The following SH3BP5 variants were observed in gnomAD, a reference collection of about 807,000 sequenced individuals.
SH3BP5 encodes the protein SH3 domain-binding protein 5.
Under a neutral mutation model 43.3 loss-of-function variants are expected in SH3BP5, and 22 were observed. The ratio of observed to expected loss-of-function variants is 0.51; its 90% CI spans 0.36 to 0.73. The LOEUF is 0.73. Among genes scored for constraint, SH3BP5 ranks in the 30% least tolerant of loss-of-function variants. The pLI is 0.00. For missense variants in SH3BP5, 529 were observed against 586.9 expected, an observed-to-expected ratio of 0.90 and a Z score of 1.02; for synonymous variants, 255 against 225.8, an observed-to-expected ratio of 1.13 and a Z score of -1.16.
intron 3 of SH3BP5, among the ~76,000 whole-genome samples, chr3:15,278,540 G>C (rs1475437294): frequency 6.6e-6 from 1 of 152,202 alleles, no homozygotes; most frequent in East Asian, 1.9e-4. Flanking sequence ...ACCAGAGATA[G>C]AAACTGGCCA....
At chr3:15,337,210 G>A (rs1698711474), upstream of SH3BP5, among the ~76,000 whole-genome samples, 1 of 147,918 alleles carries the variant, frequency 6.8e-6, no homozygotes, top group Non-Finnish European at 1.5e-5. Flanking sequence ...TCAGCCTCCT[G>A]TGTAGCTGGG....
chr3:15,261,137 T>G (rs1197468926), intron 5 of SH3BP5, among the ~76,000 whole-genome samples: 1 of 152,142 alleles, frequency 6.6e-6, no homozygotes, highest in Non-Finnish European at 1.5e-5. Flanking sequence ...AAAAATGCCA[T>G]ATACACGTCT....
intron 5 of SH3BP5, among the ~76,000 whole-genome samples, chr3:15,261,713 ACT>A (rs1696448101): frequency 1.3e-5 from 2 of 148,906 alleles, no homozygotes; most frequent in African/African-American, 2.6e-5. Context: ...AAAAAAAAAA[ACT>A]CTACTAAAGC....
intron 1 of SH3BP5, chr3:15,332,058 G>T: frequency 1.4e-6 from 1 of 724,960 alleles, no homozygotes; most frequent in Non-Finnish European, 2.2e-6. Context: ...GGGACTCCCC[G>T]CAATAGAGTC....
chr3:15,330,627 ACT>A, intron 1 of SH3BP5, 61 bp from the exon 2 acceptor site: 1 of 1,452,658 alleles, frequency 6.9e-7, no homozygotes, highest in Non-Finnish European at 9.2e-7. Context: ...TTCCAATATA[ACT>A]CAGTCCATAA....
intron 3 of SH3BP5, among the ~76,000 whole-genome samples, chr3:15,277,812 A>ACC (rs113462450): frequency 4.2e-4 from 64 of 151,848 alleles, no homozygotes; most frequent in African/African-American, 1.1e-3. Context: ...GTATGCATAC[A>ACC]CCCCCCCAGC....
chr3:15,255,277 C>T lies in SH3BP5; in HGVS notation c.*809G>A, dbSNP rs1185398886. On this transcript the variant is annotated 3_prime_UTR_variant, in exon 9 of 9. Coordinates refer to ENST00000383791, the MANE Select transcript of SH3BP5 (RefSeq NM_004844.5). Reference sequence around the variant, plus strand: ...ACCTACAGAGAAATTAACATCTTGTCAATCTAATAACAGTGGCAACCATTC... The same window carrying T: ...ACCTACAGAGAAATTAACATCTTGTTAATCTAATAACAGTGGCAACCATTC... 1 of 152,636 alleles carries T rather than the reference C, an allele frequency of 6.6e-6. No homozygotes were observed. The highest frequency in any genetic ancestry group is 1.5e-5 in the Non-Finnish European group (1 of 68,040). 9.5% of individuals were successfully genotyped at this position (152,636 alleles called of 1,614,324 possible).
intron 4 of SH3BP5, among the ~76,000 whole-genome samples, chr3:15,268,112 C>T (rs1278840594): frequency 2.0e-5 from 3 of 152,208 alleles, no homozygotes; most frequent in East Asian, 1.9e-4. Context: ...GTGAGCATCA[C>T]GCCCACTAGG....
rs185168310 is a variant in SH3BP5 at position 15,290,999 on chromosome 3, A to T, written c.330+13104T>A. On this transcript the variant is annotated intron_variant, in intron 3 of 8. Transcript: ENST00000383791. ...CCAGAAGATTCTTCAGAAGAGACCC[A>T]GTTGATGTGGCCTCCCATGAAGCCC... 6.6e-5 allele frequency among the ~76,000 whole-genome samples: 10 copies of T among 152,296 alleles called. No homozygotes were observed. In the East Asian group the frequency reaches 1.9e-3, roughly 29 times the overall value.
At chr3:15,340,562 C>A (rs1307830111) in intron 1 of SH3BP5, among the ~76,000 whole-genome samples, 1 of 152,004 alleles carries the variant, frequency 6.6e-6, no homozygotes, top group Non-Finnish European at 1.5e-5. Flanking sequence ...ACCAACCTGG[C>A]CAACATGGCG....
chr3:15,306,419 G>C (rs572645977), intron 2 of SH3BP5, among the ~76,000 whole-genome samples: 2 of 152,128 alleles, frequency 1.3e-5, no homozygotes, highest in African/African-American at 4.8e-5. Context: ...AGGGCGGAAA[G>C]ATCGCTTAAG....
intron 4 of SH3BP5, among the ~76,000 whole-genome samples, chr3:15,267,420 T>C (rs567963782): frequency 8.5e-5 from 13 of 152,246 alleles, no homozygotes; most frequent in Non-Finnish European, 1.8e-4. Context: ...TTAACTCATC[T>C]GTTCAATGAG....
chr3:15,316,151 T>C, intron 2 of SH3BP5, among the ~76,000 whole-genome samples: 1 of 152,178 alleles, frequency 6.6e-6, no homozygotes, highest in Non-Finnish European at 1.5e-5. Flanking sequence ...TGTCTTTGTC[T>C]TTCATAGCCT....
At chr3:15,317,785 T>G (rs1436137900) in intron 2 of SH3BP5, among the ~76,000 whole-genome samples, 1 of 152,200 alleles carries the variant, frequency 6.6e-6, no homozygotes, top group Non-Finnish European at 1.5e-5. Context: ...TGTGCCCATC[T>G]TTTAGTTTAG....
chr3:15,257,895 G>A (rs990795271), intron 7 of SH3BP5, among the ~76,000 whole-genome samples: 1 of 152,066 alleles, frequency 6.6e-6, no homozygotes, highest in Middle Eastern at 3.2e-3. Context: ...TCTTATAAAT[G>A]ATAAATACTG....
At chr3:15,284,535 T>G (rs926877038) in intron 3 of SH3BP5, among the ~76,000 whole-genome samples, 1 of 152,170 alleles carries the variant, frequency 6.6e-6, no homozygotes, top group Non-Finnish European at 1.5e-5. Flanking sequence ...GTGCCTCAGA[T>G]GAAAATACTC....
chr3:15,274,197 G>GATC (rs1160748149), intron 3 of SH3BP5, among the ~76,000 whole-genome samples: 1 of 151,736 alleles, frequency 6.6e-6, no homozygotes, highest in Non-Finnish European at 1.5e-5. Context: ...AGTGAGCTAA[G>GATC]ATCACACCAT....
At position 15,304,153 on chromosome 3, in the gene SH3BP5, C is replaced by T. The variant is rs747178003; in HGVS notation, c.280G>A (p.Ala94Thr). 6.2e-7 allele frequency: 1 copy of T among 1,614,186 alleles called. No individual in the cohort carries two copies. The highest frequency in any genetic ancestry group is 8.5e-7 in the Non-Finnish European group (1 of 1,180,036). Residue 94 changes from alanine (A) to threonine (T), a missense_variant, in exon 3 of 9, where the codon GCT (alanine) becomes ACT (threonine). Physicochemically the swap from Ala to Thr is moderately conservative, Grantham distance 58 (BLOSUM62 0). Transcript: ENST00000383791. ...CAGTAGGGCTTGGAGTCTTCCACAG[C>T]TTTGCCAATTTTCTTCACCAGTTCA... ...LDELVKKIGK[A>T]VEDSKPYWEA...
At chr3:15,259,153 A>G in intron 6 of SH3BP5, 103 bp from the exon 7 acceptor site, 1 of 935,646 alleles carries the variant, frequency 1.1e-6, no homozygotes, top group Non-Finnish European at 1.7e-6. Flanking sequence ...ATTCTACTTC[A>G]AGGAATTTTC....
Sources: gnomAD v4.1 joint callset for allele counts (sites outside exome capture counted in the v4.1 genomes callset) on GRCh38, gnomAD v4.1.1 for gene constraint, MANE v1.5 for transcripts, NCBI Gene and HGNC (gene_info 2026-07-23, HGNC 2026-07-21) for gene names.